OXR1: variants seen among roughly 807,000 people sequenced by gnomAD.
The protein encoded by OXR1 is oxidation resistance protein 1.
A neutral mutation model predicts 104.6 loss-of-function variants in OXR1; 41 were observed. That is an observed-to-expected ratio of 0.39 (90% CI 0.31 to 0.51). The LOEUF (loss-of-function observed/expected upper bound fraction) is 0.51, where lower values mean the gene tolerates loss of function less well. Among genes scored for constraint, OXR1 ranks in the 20% least tolerant of loss-of-function variants. OXR1 has a pLI of 0.77. For synonymous variants in OXR1, 348 were observed against 348.4 expected, an observed-to-expected ratio of 1.00 and a Z score of 0.01; for missense variants, 955 against 1,031.9, an observed-to-expected ratio of 0.93 and a Z score of 1.02.
chr8:106,425,832 A>G (rs1819095685), intron 2 of OXR1, among the ~76,000 whole-genome samples: 3 of 152,162 alleles, frequency 2.0e-5, no homozygotes, highest in African/African-American at 2.4e-5. Context: ...TTCAATAAAC[A>G]TGGGGTAGGT....
chr8:106,382,682 GTTT>G (rs35296978), intron 2 of OXR1, among the ~76,000 whole-genome samples: 6,026 of 86,096 alleles, frequency 0.07, 599 homozygotes, highest in African/African-American at 0.24. Context: ...AGAACTATAG[GTTT>G]TTTTTTTTTT....
intron 1 of OXR1, among the ~76,000 whole-genome samples, chr8:106,295,450 T>C (rs924784355): frequency 6.6e-6 from 1 of 152,158 alleles, no homozygotes. Flanking sequence ...TGTATACATA[T>C]AATAACCTCA....
At chr8:106,489,266 A>G (rs978068022) in intron 2 of OXR1, among the ~76,000 whole-genome samples, 1 of 151,818 alleles carries the variant, frequency 6.6e-6, no homozygotes, top group African/African-American at 2.4e-5. Context: ...ATTTTTGTAC[A>G]TTGATTTTGT....
chr8:106,393,258 A>G lies in OXR1; in HGVS notation c.23+33622A>G, dbSNP rs554892725. On this transcript the variant is annotated intron_variant, in intron 2 of 16. Coordinates refer to ENST00000517566, the MANE Select transcript of OXR1 (RefSeq NM_001198533.2). The stretch of plus-strand genomic sequence containing the variant: ...ATTACTAGAGAAGTAAGTCAACACA[A>G]ATTTCCTAATGGTAAATTGATAACA... Among the ~76,000 whole-genome samples the G allele has an allele frequency of 6.6e-4, 101 of 152,296 alleles. No individual in the cohort carries two copies. In the Middle Eastern group the frequency reaches 0.017, roughly 26 times the overall value.
At chr8:106,273,802 C>A (rs11995046) in intron 1 of OXR1, among the ~76,000 whole-genome samples, 6,477 of 152,116 alleles carry the variant, frequency 0.043, 341 homozygotes, top group African/African-American at 0.12. Flanking sequence ...AAAAAACAAA[C>A]AAACAAAAAA....
intron 2 of OXR1, among the ~76,000 whole-genome samples, chr8:106,384,005 C>G (rs533401221): frequency 6.6e-6 from 1 of 152,178 alleles, no homozygotes; most frequent in South Asian, 2.1e-4. Flanking sequence ...AAGTCTGGGG[C>G]AAGAACAAAT....
intron 1 of OXR1, among the ~76,000 whole-genome samples, chr8:106,287,010 C>G (rs954187865): frequency 6.6e-6 from 1 of 152,126 alleles, no homozygotes; most frequent in East Asian, 1.9e-4. Flanking sequence ...TCTGCCACAG[C>G]TTCATTCCAT....
At chr8:106,488,795 G>T (rs1285752035) in intron 2 of OXR1, among the ~76,000 whole-genome samples, 2 of 148,658 alleles carry the variant, frequency 1.3e-5, no homozygotes, top group Admixed American at 1.3e-4. Context: ...CTCTGTTTTG[G>T]TACCAGTACC....
At chr8:106,283,451 G>T (rs1223700376) in intron 1 of OXR1, among the ~76,000 whole-genome samples, 4 of 152,108 alleles carry the variant, frequency 2.6e-5, no homozygotes, top group Non-Finnish European at 5.9e-5. Context: ...CATAGATCAG[G>T]GATATTTTTC....
intron 2 of OXR1, among the ~76,000 whole-genome samples, chr8:106,405,508 T>C (rs1818199818): frequency 6.6e-6 from 1 of 152,156 alleles, no homozygotes; most frequent in Non-Finnish European, 1.5e-5. Flanking sequence ...GACTTTGTGA[T>C]TTGCTTCAGC....
At chr8:106,557,724 C>G (rs1015276554) in intron 3 of OXR1, among the ~76,000 whole-genome samples, 1 of 152,134 alleles carries the variant, frequency 6.6e-6, no homozygotes, top group Non-Finnish European at 1.5e-5. Flanking sequence ...AGCTAAAATG[C>G]TGCAAGAACA....
At chr8:106,495,225 G>A (rs1811337987) in intron 2 of OXR1, among the ~76,000 whole-genome samples, 2 of 151,986 alleles carry the variant, frequency 1.3e-5, no homozygotes, top group Admixed American at 1.3e-4. Flanking sequence ...ATCAACCACA[G>A]TTTGTAAATA....
At chr8:106,560,439 G>T (rs1261565447) in intron 3 of OXR1, among the ~76,000 whole-genome samples, 2 of 152,178 alleles carry the variant, frequency 1.3e-5, no homozygotes. Context: ...TATGGGAGTT[G>T]TGTAAAACTG....
intron 3 of OXR1, among the ~76,000 whole-genome samples, chr8:106,625,796 A>T (rs892060597): frequency 6.6e-6 from 1 of 152,212 alleles, no homozygotes; most frequent in African/African-American, 2.4e-5. Flanking sequence ...CACATGTGAT[A>T]GCACTTAAAA....
intron 3 of OXR1, chr8:106,581,353 G>A: frequency 1.6e-6 from 1 of 627,052 alleles, no homozygotes; most frequent in Non-Finnish European, 2.5e-6. Context: ...CTACTGGAAT[G>A]TATAAATTAA....
At chr8:106,400,542 C>T (rs1817959945) in intron 2 of OXR1, among the ~76,000 whole-genome samples, 1 of 147,716 alleles carries the variant, frequency 6.8e-6, no homozygotes, top group African/African-American at 2.7e-5. Flanking sequence ...TATTAAAATG[C>T]TGATAATAAT....
At chr8:106,697,623 C>T in intron 7 of OXR1, 1 of 1,613,652 alleles carries the variant, frequency 6.2e-7, no homozygotes, top group Non-Finnish European at 8.5e-7. Context: ...CACCCAGATT[C>T]CTCAGCGTCC....
At chr8:106,471,060 T>G (rs114697472) in intron 2 of OXR1, among the ~76,000 whole-genome samples, 2,223 of 151,692 alleles carry the variant, frequency 0.015, 55 homozygotes, top group African/African-American at 0.051. Context: ...TTGAGGTGTT[T>G]TTTGGCAAAG....
intron 2 of OXR1, among the ~76,000 whole-genome samples, chr8:106,435,674 G>T (rs1441817069): frequency 1.3e-5 from 2 of 152,280 alleles, no homozygotes; most frequent in East Asian, 3.9e-4. Flanking sequence ...GTTTTGACGT[G>T]AAATAAGAGT....
Sources: allele counts gnomAD v4.1 joint callset (sites outside exome capture counted in the v4.1 genomes callset), GRCh38; gene constraint gnomAD v4.1.1; transcripts MANE v1.5; gene names NCBI Gene and HGNC (gene_info 2026-07-23, HGNC 2026-07-21).